The following CISD3 variants were observed in gnomAD, a reference collection of about 807,000 sequenced individuals.
CISD3 encodes the protein CDGSH iron sulfur domain 3, also known as CDGSH iron-sulfur domain-containing protein 3, mitochondrial.
A neutral mutation model predicts 14.1 loss-of-function variants in CISD3; 11 were observed. The observed-to-expected ratio is 0.78, with a 90% CI of 0.49 to 1.29. CISD3 has a LOEUF of 1.29. Ranked by LOEUF, CISD3 falls within the 50% of genes most tolerant of loss-of-function variation. The pLI, the probability that CISD3 is intolerant of heterozygous loss-of-function variation, is 0.00. For missense variants in CISD3, 156 were observed against 171.6 expected (o/e 0.91, Z 0.51); for synonymous variants, 53 against 69.2 (o/e 0.77, Z 1.16).
At chr17:38,731,207 T>C in intron 2 of CISD3, 113 bp from the exon 3 acceptor site, 9 of 1,418,400 alleles carry the variant, frequency 6.3e-6, no homozygotes, top group South Asian at 1.4e-5. Context: ...CAGCCTCTTG[T>C]AGAGGAAACC....
chr17:38,730,890 G>A (rs1277711340), intron 2 of CISD3, 95 bp downstream of exon 2: 4 of 1,334,640 alleles, frequency 3.0e-6, no homozygotes, highest in East Asian at 2.5e-5. Context: ...GAAGAGTACA[G>A]GCCTATTCCC....
intron 2 of CISD3, chr17:38,731,085 G>A: frequency 1.5e-6 from 1 of 656,706 alleles, no homozygotes; most frequent in East Asian, 2.7e-5. Flanking sequence ...GCGTTTGAGG[G>A]AAGGCAGCTG....
intron 3 of CISD3, among the ~76,000 whole-genome samples, chr17:38,732,803 T>G (rs1382125768): frequency 6.6e-6 from 1 of 152,042 alleles, no homozygotes; most frequent in Non-Finnish European, 1.5e-5. Flanking sequence ...CTTGTAACCT[T>G]CACTCCCTGT....
At chr17:38,730,560 G>A in intron 1 of CISD3, 154 bp downstream of exon 1, 2 of 834,142 alleles carry the variant, frequency 2.4e-6, no homozygotes, top group Middle Eastern at 2.3e-4. Context: ...TTTCCCGAGC[G>A]CCAGTCCCTG....
At position 38,733,388 on chromosome 17, in the gene CISD3, C is replaced by T. The variant is rs1366846831; in HGVS notation, c.317C>T (p.Pro106Leu). ...ALCTCKATQR[P>L]PYCDGTHRSE... ...TGTACCTGCAAGGCCACTCAGAGGC[C>T]CCCGTACTGCGATGGCACCCACAGG... Residue 106 changes from proline (P) to leucine (L), a missense_variant, in exon 4 of 4, where the codon CCC becomes CTC. Coordinates refer to ENST00000613478, the MANE Select transcript of CISD3 (RefSeq NM_001136498.2). The T allele has an allele frequency of 2.6e-6, 4 of 1,551,646 alleles. No individual in the cohort carries two copies.
Position 38,735,585 on chromosome 17 carries a change from G to C in CISD3, c.*2130G>C. 2 of 1,576,314 alleles carry C rather than the reference G, an allele frequency of 1.3e-6. No homozygotes were observed. Among genetic ancestry groups the C allele is most frequent in the Non-Finnish European group, 8.6e-7 (1 of 1,158,708 alleles). On this transcript the variant is annotated 3_prime_UTR_variant, in exon 4 of 4. Coordinates refer to ENST00000613478, the MANE Select transcript of CISD3 (RefSeq NM_001136498.2). ...CAGGCTGGCTGGACACGGTACTTGA[G>C]GGGGAGAGGCCCGTTCTGCGGGGAG...
Position 38,735,560 on chromosome 17 carries a change from C to T in CISD3, c.*2105C>T, listed in dbSNP as rs756899659. 1.3e-6 allele frequency: 2 copies of T among 1,584,388 alleles called. No homozygotes were observed. The highest frequency in any genetic ancestry group is 2.3e-5 in the East Asian group (1 of 43,592). Reference sequence around the variant, plus strand: ...CACCGTGGCTAGGGTGAGCCGCTTGCAGGCTGGCTGGACACGGTACTTGAG... The same window carrying T: ...CACCGTGGCTAGGGTGAGCCGCTTGTAGGCTGGCTGGACACGGTACTTGAG... On this transcript the variant is annotated 3_prime_UTR_variant, in exon 4 of 4. Transcript: ENST00000613478.
Position 38,733,674 on chromosome 17 carries a change from A to C in CISD3, c.*219A>C, listed in dbSNP as rs1267339523. ...TTTGCTGATGGGGAAGATGGCAAAA[A>C]CAAGCCTGCCCAACCAGACTGGTAG... On this transcript the variant is annotated 3_prime_UTR_variant, in exon 4 of 4. Transcript: ENST00000613478. The C allele has an allele frequency of 2.0e-5, 11 of 549,978 alleles. No homozygotes were observed. Among genetic ancestry groups the C allele is most frequent in the Non-Finnish European group, 3.1e-5 (10 of 318,670 alleles). 34.1% of individuals were successfully genotyped at this position (549,978 alleles called of 1,614,324 possible).
At position 38,734,918 on chromosome 17, in the gene CISD3, C is replaced by G. The variant is rs1257579320; in HGVS notation, c.*1463C>G. ...GTGGCCCATCCAGTTCATCTCCAGGCACCCCCAAAAACAGCAAATTACACA... is the reference window on the plus strand; with the variant it reads ...GTGGCCCATCCAGTTCATCTCCAGGGACCCCCAAAAACAGCAAATTACACA... On this transcript the variant is annotated 3_prime_UTR_variant, in exon 4 of 4. Coordinates refer to ENST00000613478, the MANE Select transcript of CISD3 (RefSeq NM_001136498.2). 2 of 237,232 alleles carry G rather than the reference C, an allele frequency of 8.4e-6. No homozygotes were observed. Among genetic ancestry groups the G allele is most frequent in the Non-Finnish European group, 1.6e-5 (2 of 125,270 alleles). The allele number at this position is 237,232 out of a possible 1,614,324, so 14.7% of individuals were successfully genotyped here.
chr17:38,733,287 C>G lies in CISD3; in HGVS notation c.216C>G (p.Asp72Glu), dbSNP rs770456452. The G allele has an allele frequency of 3.2e-6, 5 of 1,551,526 alleles. No homozygotes were observed. The African/African-American group carries it at 6.8e-5, about 21-fold the overall frequency. Residue 72 changes from aspartate (D) to glutamate (E), a missense_variant, in exon 4 of 4, where the codon GAC becomes GAG. Physicochemically the swap from Asp to Glu is conservative, Grantham distance 45 (BLOSUM62 2). Coordinates refer to ENST00000613478, the MANE Select transcript of CISD3 (RefSeq NM_001136498.2). ...CTTTCCCCCACCAGCCCTTCTGTGA[C>G]GGCTCCCACTTCTTCCAACGCACTG... is the stretch of plus-strand genomic sequence containing the variant. The part of the protein sequence containing the change: ...CGRSKKQPFC[D>E]GSHFFQRTGL...
chr17:38,730,604 A>G, intron 1 of CISD3, 156 bp from the exon 2 acceptor site: 1 of 870,394 alleles, frequency 1.1e-6, no homozygotes. Context: ...TTCTCTTGCG[A>G]CCTTTTTCTT....
chr17:38,731,239 G>A (rs1906319862), intron 2 of CISD3, 81 bp from the exon 3 acceptor site: 12 of 1,514,998 alleles, frequency 7.9e-6, no homozygotes, highest in Non-Finnish European at 9.8e-6. Flanking sequence ...CAGGCCAGTG[G>A]GAAACTAGGA....
At position 38,734,929 on chromosome 17, in the gene CISD3, A is replaced by T; in HGVS notation, c.*1474A>T. On this transcript the variant is annotated 3_prime_UTR_variant, in exon 4 of 4. Transcript: ENST00000613478. Reference sequence around the variant, plus strand: ...AGTTCATCTCCAGGCACCCCCAAAAACAGCAAATTACACAAGACCCCCCCC... The same window carrying T: ...AGTTCATCTCCAGGCACCCCCAAAATCAGCAAATTACACAAGACCCCCCCC... 8.4e-6 allele frequency: 2 copies of T among 237,152 alleles called. No individual in the cohort carries two copies. 14.7% of individuals were successfully genotyped at this position (237,152 alleles called of 1,614,324 possible).
chr17:38,733,867 T>G lies in CISD3; in HGVS notation c.*412T>G. The G allele has an allele frequency of 1.1e-5, 2 of 177,418 alleles. No homozygotes were observed. Among genetic ancestry groups the G allele is most frequent in the African/African-American group, 2.4e-5 (1 of 42,414 alleles). The allele number at this position is 177,418 out of a possible 1,614,324, so 11.0% of individuals were successfully genotyped here. On this transcript the variant is annotated 3_prime_UTR_variant, in exon 4 of 4. Transcript: ENST00000613478. ...AGAGATGAGAGGCACCCTTCCCTTC[T>G]TCCCTCCACCCCAAAGAACTACAGG... is the stretch of plus-strand genomic sequence containing the variant.
In CISD3 at chr17:38,730,418, C is replaced by T. The variant is rs778837150; in HGVS notation, c.48+12C>T. Reference sequence around the variant, plus strand: ...CGCGTGGTGCCCGGGTGAGCACCCCCGCCCTGCACCAGCCCCCGTCCCGAA... The same window carrying T: ...CGCGTGGTGCCCGGGTGAGCACCCCTGCCCTGCACCAGCCCCCGTCCCGAA... On this transcript the variant is annotated intron_variant, in intron 1 of 3. Coordinates refer to ENST00000613478, the MANE Select transcript of CISD3 (RefSeq NM_001136498.2). 76 of 1,259,540 alleles carry T rather than the reference C, an allele frequency of 6.0e-5. No homozygotes were observed. Among genetic ancestry groups the T allele is most frequent in the Non-Finnish European group, 6.9e-5 (69 of 999,768 alleles). 78.0% of individuals were successfully genotyped at this position (1,259,540 alleles called of 1,614,324 possible). A position where few individuals can be genotyped will look rare whatever the true frequency, so the allele number is the denominator to read the frequency against.
At chr17:38,730,844 G>T (rs1057430719) in intron 2 of CISD3, 49 bp downstream of exon 2, 1 of 1,522,548 alleles carries the variant, frequency 6.6e-7, no homozygotes, top group Admixed American at 2.0e-5. Context: ...CCCCAGGCAC[G>T]GAGATCTCAA....
chr17:38,730,897 T>C, intron 2 of CISD3, 102 bp downstream of exon 2: 1 of 1,257,280 alleles, frequency 8.0e-7, no homozygotes, highest in Non-Finnish European at 1.1e-6. Context: ...ACAGGCCTAT[T>C]CCCTGGAGTT....
intron 2 of CISD3, 83 bp downstream of exon 2, chr17:38,730,878 A>G (rs1037380968): frequency 1.6e-5 from 22 of 1,409,556 alleles, no homozygotes; most frequent in African/African-American, 2.8e-5. Flanking sequence ...AAATGGAGCT[A>G]GGAAGAGTAC....
Position 38,733,513 on chromosome 17 carries a change from C to T in CISD3, c.*58C>T, listed in dbSNP as rs1906448557. ...TGGCTCCAGGCCTCTGACAGGCACC[C>T]CCTTCTGTGGGAAAGGAAACAGGTG... On this transcript the variant is annotated 3_prime_UTR_variant, in exon 4 of 4. Transcript: ENST00000613478. The T allele has an allele frequency of 6.9e-7, 1 of 1,443,248 alleles. No individual in the cohort carries two copies. The highest frequency in any genetic ancestry group is 1.4e-5 in the South Asian group (1 of 70,042). 89.4% of individuals were successfully genotyped at this position (1,443,248 alleles called of 1,614,324 possible).
Sources: gnomAD v4.1 joint callset for allele counts (sites outside exome capture counted in the v4.1 genomes callset) on GRCh38, gnomAD v4.1.1 for gene constraint, MANE v1.5 for transcripts, NCBI Gene and HGNC (gene_info 2026-07-23, HGNC 2026-07-21) for gene names.